The following FBXO17 variants were observed in gnomAD, a reference collection of about 807,000 sequenced individuals.
FBXO17 encodes F-box protein 17, also known as F-box only protein 17.
A neutral mutation model predicts 34.1 loss-of-function variants in FBXO17; 43 were observed. The observed-to-expected ratio is 1.26, with a 90% CI of 0.99 to 1.62. The LOEUF (loss-of-function observed/expected upper bound fraction) is 1.62. Ranked by LOEUF, FBXO17 falls within the 40% of genes most tolerant of loss-of-function variation. The pLI is 0.00. For missense variants in FBXO17, 424 were observed against 386.7 expected, an observed-to-expected ratio of 1.10 and a Z score of -0.81; for synonymous variants, 169 against 166.0, an observed-to-expected ratio of 1.02 and a Z score of -0.14.
At position 38,949,981 on chromosome 19, in the gene FBXO17, G is replaced by T; in HGVS notation, c.339C>A (p.Ser113=). ...GCCCCCGTCACCCACGCTCTCCGCA[G>T]GAGTTGAAGATGAGATTGCGGCCGA... ...APFGRNLIFN[S]CGEQGFRGWE... is the part of the protein sequence containing the mutation. Residue 113 remains serine (S), a synonymous_variant, in exon 2 of 6, where the codon TCC becomes TCA. Coordinates refer to ENST00000292852, the MANE Select transcript of FBXO17 (RefSeq NM_024907.7). 1 of 1,544,830 alleles carries T rather than the reference G, an allele frequency of 6.5e-7. No homozygotes were observed.
Position 38,948,662 on chromosome 19 carries a change from C to G in FBXO17, c.366G>C (p.Trp122Cys), listed in dbSNP as rs761094192. Residue 122 changes from tryptophan to cysteine, a missense_variant, in exon 3 of 6, where the codon TGG (tryptophan) becomes TGC (cysteine). Trp to Cys is a radical substitution (Grantham distance 215, BLOSUM62 -2). Transcript: ENST00000292852. ...NSCGEQGFRG[W>C]EVEHGGNGWA... ...AGCCGTTCCCGCCATGCTCCACCTC[C>G]CAGCCTCTGAAGCCCTCTGTGGGAA... 6.2e-7 allele frequency: 1 copy of G among 1,614,106 alleles called. No homozygotes were observed. Among genetic ancestry groups the G allele is most frequent in the East Asian group, 2.2e-5 (1 of 44,884 alleles).
At chr19:38,963,399 A>C (rs1267796042) in intron 1 of FBXO17, among the ~76,000 whole-genome samples, 1 of 151,438 alleles carries the variant, frequency 6.6e-6, no homozygotes, top group Non-Finnish European at 1.5e-5. Context: ...GGCTCAAGCA[A>C]TCCTCCCATC....
chr19:38,949,677 C>G (rs1465093172), intron 2 of FBXO17: 4 of 510,442 alleles, frequency 7.8e-6, no homozygotes, highest in Non-Finnish European at 1.4e-5. Flanking sequence ...TCCCACCGCG[C>G]CTGGCCCCTG....
intron 5 of FBXO17, 64 bp downstream of exon 5, chr19:38,944,905 A>G: frequency 1.9e-6 from 3 of 1,597,090 alleles, no homozygotes; most frequent in Non-Finnish European, 2.6e-6. Context: ...AACCGAGCAG[A>G]CGAGAGGCTG....
In FBXO17 at chr19:38,946,518, G is replaced by C; in HGVS notation, c.511C>G (p.Gln171Glu). 1 of 1,614,030 alleles carries C rather than the reference G, an allele frequency of 6.2e-7. No homozygotes were observed. Among genetic ancestry groups the C allele is most frequent in the South Asian group, 1.1e-5 (1 of 91,086 alleles). Residue 171 changes from glutamine to glutamate, a missense_variant, in exon 4 of 6, where the codon CAG becomes GAG. Physicochemically the swap from Gln to Glu is conservative, Grantham distance 29. Coordinates refer to ENST00000292852, the MANE Select transcript of FBXO17 (RefSeq NM_024907.7). ...ATCTGGGCGCTGTCCAGCAGCTCCT[G>C]CCACACCCCTTCCATCACCAGGTCC... ...LVDLVMEGVW[Q>E]ELLDSAQIEI...
At chr19:38,949,215 C>T (rs1975033607) in intron 2 of FBXO17, among the ~76,000 whole-genome samples, 1 of 152,134 alleles carries the variant, frequency 6.6e-6, no homozygotes, top group African/African-American at 2.4e-5. Context: ...AATTTTCCTG[C>T]CTCAGCCTCC....
intron 1 of FBXO17, among the ~76,000 whole-genome samples, chr19:38,955,484 C>T (rs71337556): frequency 0.17 from 22,418 of 133,428 alleles, 2,636 homozygotes; most frequent in South Asian, 0.31. Context: ...TTCTTTCTTT[C>T]TTTTTTTTTT....
intron 1 of FBXO17, among the ~76,000 whole-genome samples, chr19:38,958,406 C>CAAAAAAAAAAAAAA (rs61007658): frequency 3.0e-5 from 3 of 98,738 alleles, no homozygotes; most frequent in Non-Finnish European, 4.1e-5. Flanking sequence ...GAAACTGTCT[C>CAAAAAAAAAAAAAA]AAAAAAAAAA....
chr19:38,959,516 A>T (rs1975218278), intron 1 of FBXO17, among the ~76,000 whole-genome samples: 1 of 145,928 alleles, frequency 6.9e-6, no homozygotes, highest in African/African-American at 2.5e-5. Context: ...CGAACTCTTG[A>T]CCTTGTGATC....
At position 38,946,714 on chromosome 19, in the gene FBXO17, T is replaced by C. The variant is rs151332957; in HGVS notation, c.462-147A>G. 11 of 1,121,768 alleles carry C rather than the reference T, an allele frequency of 9.8e-6. No homozygotes were observed. In the African/African-American group the frequency reaches 1.7e-4, roughly 17 times the overall value. 69.5% of individuals were successfully genotyped at this position (1,121,768 alleles called of 1,614,324 possible). ...CTCTAGCAGACCTGAAGATGCATGA[T>C]GGGCTATACATCTCTCCTTGGCCTC... On this transcript the variant is annotated intron_variant, in intron 3 of 5. Coordinates refer to ENST00000292852, the MANE Select transcript of FBXO17 (RefSeq NM_024907.7).
At chr19:38,947,846 G>A (rs912262334) in intron 3 of FBXO17, among the ~76,000 whole-genome samples, 1 of 151,584 alleles carries the variant, frequency 6.6e-6, no homozygotes, top group South Asian at 2.1e-4. Context: ...TTACAGCTAT[G>A]AGCCACCGTG....
chr19:38,963,207 G>A lies in FBXO17; in HGVS notation c.-18+12379C>T, dbSNP rs1975276237. ...GAAGTCATCTGGGCCAGGCACAGTG[G>A]CTCATGCCTGTAATATTCCTTGAGT... On this transcript the variant is annotated intron_variant, in intron 1 of 5. Coordinates refer to ENST00000292852, the MANE Select transcript of FBXO17 (RefSeq NM_024907.7). Among the ~76,000 whole-genome samples, 6 of 152,190 alleles carry A rather than the reference G, an allele frequency of 3.9e-5. 1 individual carries two copies. In the South Asian group the frequency reaches 1.2e-3, roughly 32 times the overall value.
chr19:38,954,919 A>G (rs1975144115), intron 1 of FBXO17, among the ~76,000 whole-genome samples: 2 of 129,508 alleles, frequency 1.5e-5, no homozygotes, highest in African/African-American at 6.6e-5. Context: ...TATTATTATT[A>G]TTATTATTAT....
chr19:38,948,448 GAATA>G, intron 3 of FBXO17, 115 bp downstream of exon 3: 7 of 703,058 alleles, frequency 1.0e-5, no homozygotes, highest in Middle Eastern at 3.0e-4. Flanking sequence ...ATGAATCAAT[GAATA>G]AATAAATGGG....
At chr19:38,956,419 A>G (rs752078604) in intron 1 of FBXO17, among the ~76,000 whole-genome samples, 4 of 152,212 alleles carry the variant, frequency 2.6e-5, no homozygotes, top group Non-Finnish European at 5.9e-5. Flanking sequence ...GCACATGAAG[A>G]TAACAAGCAT....
chr19:38,956,405 T>C lies in FBXO17; in HGVS notation c.-17-6069A>G, dbSNP rs537935239. Among the ~76,000 whole-genome samples, 19 of 152,274 alleles carry C rather than the reference T, an allele frequency of 1.2e-4. No homozygotes were observed. The South Asian group carries it at 2.1e-3, about 17-fold the overall frequency. ...ATAGCTGACATGAATTGAGCACTTA[T>C]TGGGCACATGAAGATAACAAGCATT... On this transcript the variant is annotated intron_variant, in intron 1 of 5. Transcript: ENST00000292852.
intron 1 of FBXO17, among the ~76,000 whole-genome samples, chr19:38,973,559 T>A (rs1249886500): frequency 7.5e-6 from 1 of 133,076 alleles, no homozygotes; most frequent in Non-Finnish European, 1.7e-5. Context: ...TAAAAGAGAT[T>A]ACATACTTTT....
rs2144837996 is a variant in FBXO17 at position 38,964,395 on chromosome 19, G to A, written c.-18+11191C>T. On this transcript the variant is annotated intron_variant, in intron 1 of 5. Transcript: ENST00000292852. ...CTGTCACCCAGGCTGGAGTGCAGTGGCGTGATCTCGGCTCACTGCAACCTC... is the reference window on the plus strand; with the variant it reads ...CTGTCACCCAGGCTGGAGTGCAGTGACGTGATCTCGGCTCACTGCAACCTC... 1.3e-5 allele frequency among the ~76,000 whole-genome samples: 2 copies of A among 152,050 alleles called. 1 individual carries two copies. Among genetic ancestry groups the A allele is most frequent in the Middle Eastern group, 6.8e-3 (2 of 294 alleles).
chr19:38,950,593 G>GCGCT (rs1975069013), intron 1 of FBXO17, among the ~76,000 whole-genome samples: 1 of 152,252 alleles, frequency 6.6e-6, no homozygotes. Flanking sequence ...GTCAGGCTAA[G>GCGCT]CGCTTCAGGT....
Sources: gnomAD v4.1 joint callset for allele counts (sites outside exome capture counted in the v4.1 genomes callset) on GRCh38, gnomAD v4.1.1 for gene constraint, MANE v1.5 for transcripts, NCBI Gene and HGNC (gene_info 2026-07-23, HGNC 2026-07-21) for gene names.